GPAT4: variants seen among roughly 807,000 people sequenced by gnomAD.
GPAT4 encodes 1-AGP acyltransferase 6.
A neutral mutation model predicts 58.0 loss-of-function variants in GPAT4; 17 were observed. That is an observed-to-expected ratio of 0.29 (90% CI 0.20 to 0.44). GPAT4 has a LOEUF of 0.44. Among genes scored for constraint, GPAT4 ranks in the 20% least tolerant of loss-of-function variants. The probability of loss-of-function intolerance (pLI) is 1.00; values close to 1 mark genes in which losing one functional copy is unlikely to be tolerated. For synonymous variants in GPAT4, 204 were observed against 210.1 expected (o/e 0.97, Z 0.25); for missense variants, 377 against 574.5 (o/e 0.66, Z 3.51).
chr8:41,610,185 C>T (rs910127115), intron 4 of GPAT4: 1 of 1,375,102 alleles, frequency 7.3e-7, no homozygotes, highest in Non-Finnish European at 9.4e-7. Context: ...CAGCTTGCTT[C>T]TCTAGATGAC....
At chr8:41,620,373 C>G (rs1036685514) in intron 12 of GPAT4, among the ~76,000 whole-genome samples, 1 of 152,172 alleles carries the variant, frequency 6.6e-6, no homozygotes, top group African/African-American at 2.4e-5. Context: ...AGGTAAACCT[C>G]CATTCCTGAC....
In GPAT4 at chr8:41,608,011, T is replaced by G. The variant is rs936961176; in HGVS notation, c.166-1405T>G. 2.0e-5 allele frequency among the ~76,000 whole-genome samples: 3 copies of G among 152,178 alleles called. 1 individual carries two copies. The South Asian group carries it at 6.2e-4, about 32-fold the overall frequency. On this transcript the variant is annotated intron_variant, in intron 2 of 12. Transcript: ENST00000396987. ...CCAGATGAGATTTACCTTCCTCCATTTTAGGTATTATATTAACATTTTTAA... is the reference window on the plus strand; with the variant it reads ...CCAGATGAGATTTACCTTCCTCCATGTTAGGTATTATATTAACATTTTTAA...
At position 41,612,198 on chromosome 8, in the gene GPAT4, T is replaced by G. The variant is rs1563278173; in HGVS notation, c.720T>G (p.Asn240Lys). 2 of 1,614,204 alleles carry G rather than the reference T, an allele frequency of 1.2e-6. No individual in the cohort carries two copies. The highest frequency in any genetic ancestry group is 1.7e-6 in the Non-Finnish European group (2 of 1,180,032). The change falls in exon 7 of 13, where the codon AAT (asparagine) becomes AAG (lysine). Residue 240 changes from asparagine (N) to lysine (K), a missense_variant. Physicochemically the swap from Asn to Lys is moderately conservative, Grantham distance 94. Transcript: ENST00000396987. ...TYHDRENRPR[N>K]GGICVANHTS... The stretch of plus-strand genomic sequence containing the variant: ...AACCCAGGGAAAACAGACCAAGAAA[T>G]GGTGGCATCTGTGTGGCCAATCATA...
intron 2 of GPAT4, among the ~76,000 whole-genome samples, chr8:41,601,953 GCCCAA>G (rs386724820): frequency 0.56 from 84,871 of 151,922 alleles, 24,398 homozygotes; most frequent in Middle Eastern, 0.71. Flanking sequence ...GGCCACAGTG[GCCCAA>G]ATGTATTTAT....
At chr8:41,603,371 A>G (rs1371308745) in intron 2 of GPAT4, among the ~76,000 whole-genome samples, 1 of 152,028 alleles carries the variant, frequency 6.6e-6, no homozygotes, top group Non-Finnish European at 1.5e-5. Flanking sequence ...TACTAAAAAT[A>G]CAAAATTAGC....
chr8:41,584,612 A>G (rs1190907216), intron 1 of GPAT4, among the ~76,000 whole-genome samples: 1 of 152,220 alleles, frequency 6.6e-6, no homozygotes, highest in Admixed American at 6.5e-5. Flanking sequence ...TTACATATGC[A>G]GTACTCAGAT....
rs554653693 is a variant in GPAT4, at chr8:41,624,456, A to T, written c.*3455A>T. 6.6e-6 allele frequency: 1 copy of T among 152,248 alleles called. No individual in the cohort carries two copies. The highest frequency in any genetic ancestry group is 1.9e-4 in the East Asian group (1 of 5,182). The allele number at this position is 152,248 out of a possible 1,614,324, so 9.4% of individuals were successfully genotyped here. ...GGCCAGGAACTTGATTTTCTGGGCTATTGCTTGCTAGTGTCCCCTGATGCA... is the reference window on the plus strand; with the variant it reads ...GGCCAGGAACTTGATTTTCTGGGCTTTTGCTTGCTAGTGTCCCCTGATGCA... On this transcript the variant is annotated 3_prime_UTR_variant, in exon 13 of 13. Coordinates refer to ENST00000396987, the MANE Select transcript of GPAT4 (RefSeq NM_178819.4).
chr8:41,595,783 C>T (rs1455327237), intron 1 of GPAT4, among the ~76,000 whole-genome samples: 3 of 151,768 alleles, frequency 2.0e-5, no homozygotes, highest in African/African-American at 7.3e-5. Context: ...TCCTTGACTC[C>T]GTCTTTGTCT....
At chr8:41,582,615 A>G (rs555888683) in intron 1 of GPAT4, among the ~76,000 whole-genome samples, 11 of 152,266 alleles carry the variant, frequency 7.2e-5, no homozygotes, top group Non-Finnish European at 1.0e-4. Context: ...TTTTTTAAAA[A>G]GCACAAAGAA....
intron 5 of GPAT4, 90 bp downstream of exon 5, chr8:41,610,900 C>A: frequency 7.6e-7 from 1 of 1,312,324 alleles, no homozygotes; most frequent in Non-Finnish European, 1.0e-6. Context: ...TCTTTGGACA[C>A]AACCAAAGCC....
intron 1 of GPAT4, chr8:41,578,658 G>C (rs1802428585): frequency 6.6e-6 from 1 of 152,338 alleles, no homozygotes; most frequent in African/African-American, 2.4e-5. Flanking sequence ...ACCAGGAAGC[G>C]CCTTCCCCTG....
At chr8:41,612,104 G>A (rs1803462525) in intron 6 of GPAT4, 76 bp from the exon 7 acceptor site, 15 of 1,587,408 alleles carry the variant, frequency 9.4e-6, no homozygotes, top group African/African-American at 1.3e-5. Context: ...AGCAGATGAA[G>A]CATGTGAGGT....
intron 1 of GPAT4, among the ~76,000 whole-genome samples, chr8:41,597,347 A>G (rs1190436814): frequency 2.0e-5 from 3 of 152,162 alleles, no homozygotes; most frequent in South Asian, 2.1e-4. Flanking sequence ...TTTGCCAGAG[A>G]GACTTGATAG....
At position 41,618,819 on chromosome 8, in the gene GPAT4, G is replaced by A. The variant is rs763497752; in HGVS notation, c.1182+7G>A. On this transcript the variant is annotated splice_region_variant and intron_variant, in intron 11 of 12. Coordinates refer to ENST00000396987, the MANE Select transcript of GPAT4 (RefSeq NM_178819.4). ...GCCTCCCATGACTAGAGAGGTGAGT[G>A]CCTGCCCCAGGCAGGTCTGCGCCTG... The A allele has an allele frequency of 6.2e-7, 1 of 1,614,256 alleles. No homozygotes were observed. The highest frequency in any genetic ancestry group is 1.1e-5 in the South Asian group (1 of 91,092).
intron 2 of GPAT4, among the ~76,000 whole-genome samples, chr8:41,606,390 G>A (rs879034636): frequency 5.9e-5 from 9 of 151,984 alleles, no homozygotes; most frequent in African/African-American, 1.9e-4. Flanking sequence ...TTTGGGTTTG[G>A]GGGGGCATTC....
At chr8:41,612,419 C>A in intron 7 of GPAT4, 146 bp downstream of exon 7, 2 of 792,698 alleles carry the variant, frequency 2.5e-6, no homozygotes, top group Non-Finnish European at 2.0e-6. Flanking sequence ...CTCTGTGGGA[C>A]TGTGATAGGA....
chr8:41,618,673 A>T lies in GPAT4; in HGVS notation c.1054-11A>T. 1 of 1,613,762 alleles carries T rather than the reference A, an allele frequency of 6.2e-7. No homozygotes were observed. Among genetic ancestry groups the T allele is most frequent in the Admixed American group, 1.7e-5 (1 of 60,022 alleles). On this transcript the variant is annotated splice_polypyrimidine_tract_variant and intron_variant, in intron 10 of 12. Transcript: ENST00000396987. The stretch of plus-strand genomic sequence containing the variant: ...ACTCATGTCTTACCTCCAGCTTTCC[A>T]TTGTTTTCAGTATGACCCTCAATTT...
chr8:41,622,921 A>C lies in GPAT4; in HGVS notation c.*1920A>C, dbSNP rs2150511076. 6.6e-6 allele frequency: 1 copy of C among 152,394 alleles called. No homozygotes were observed. The highest frequency in any genetic ancestry group is 1.5e-5 in the Non-Finnish European group (1 of 68,032). 9.4% of individuals were successfully genotyped at this position (152,394 alleles called of 1,614,324 possible). A position where few individuals can be genotyped will look rare whatever the true frequency, so the allele number is the denominator to read the frequency against. ...TGATGTTTACAGTGTTTGTAAACCA[A>C]CTGGAGGGATCAGTAATTGGTCTTA... is the stretch of plus-strand genomic sequence containing the variant. On this transcript the variant is annotated 3_prime_UTR_variant, in exon 13 of 13. Transcript: ENST00000396987.
chr8:41,610,479 C>A, intron 4 of GPAT4: 1 of 1,336,838 alleles, frequency 7.5e-7, no homozygotes, highest in Non-Finnish European at 9.6e-7. Flanking sequence ...TTAGGGTTTT[C>A]CAGCCTTCCA....
Sources: allele counts gnomAD v4.1 joint callset (sites outside exome capture counted in the v4.1 genomes callset), GRCh38; gene constraint gnomAD v4.1.1; transcripts MANE v1.5; gene names NCBI Gene and HGNC (gene_info 2026-07-23, HGNC 2026-07-21).